RBM20: variants seen among roughly 807,000 people sequenced by gnomAD.
RBM20 encodes the protein RNA binding motif protein 20, also known as RNA-binding protein 20.
RBM20 carries 51 observed loss-of-function variants against 110.1 expected under a neutral mutation model. The observed-to-expected ratio is 0.46, with a 90% CI of 0.37 to 0.59. The LOEUF (loss-of-function observed/expected upper bound fraction) is 0.59, where lower values mean the gene tolerates loss of function less well. Ranked by LOEUF, RBM20 falls within the 20% of genes least tolerant of loss-of-function variation. The pLI, the probability that RBM20 is intolerant of heterozygous loss-of-function variation, is 0.00. For missense variants in RBM20, 1,512 were observed against 1,574.9 expected (o/e 0.96, Z 0.68); for synonymous variants, 589 against 618.2 (o/e 0.95, Z 0.70).
At chr10:110,717,380 G>A (rs541179802) in intron 1 of RBM20, among the ~76,000 whole-genome samples, 3 of 151,888 alleles carry the variant, frequency 2.0e-5, no homozygotes, top group Non-Finnish European at 4.4e-5. Context: ...AATTCCATCT[G>A]TGCAAATCCC....
At chr10:110,768,231 G>GAGGGAGAGGGAGGGAA (rs1207364426) in intron 1 of RBM20, among the ~76,000 whole-genome samples, 1 of 138,702 alleles carries the variant, frequency 7.2e-6, no homozygotes, top group Non-Finnish European at 1.6e-5. Flanking sequence ...AAAGAGGGGA[G>GAGGGAGAGGGAGGGAA]AGGGAGAGGG....
At chr10:110,805,528 A>G (rs1165370979) in intron 7 of RBM20, among the ~76,000 whole-genome samples, 1 of 151,976 alleles carries the variant, frequency 6.6e-6, no homozygotes, top group Non-Finnish European at 1.5e-5. Context: ...TTGGCCAAGC[A>G]CTCTGTGACT....
At chr10:110,752,217 C>G (rs551369945) in intron 1 of RBM20, among the ~76,000 whole-genome samples, 1 of 152,210 alleles carries the variant, frequency 6.6e-6, no homozygotes, top group African/African-American at 2.4e-5. Context: ...TCCCCGCTAA[C>G]CCCTGGCAAT....
At position 110,673,074 on chromosome 10, in the gene RBM20, T is replaced by G. The variant is rs1862285218; in HGVS notation, c.191+28429T>G. Among the ~76,000 whole-genome samples, 3 of 152,228 alleles carry G rather than the reference T, an allele frequency of 2.0e-5. No individual in the cohort carries two copies. In the South Asian group the frequency reaches 6.2e-4, roughly 32 times the overall value. On this transcript the variant is annotated intron_variant, in intron 1 of 13. Coordinates refer to ENST00000369519, the MANE Select transcript of RBM20 (RefSeq NM_001134363.3). ...TGTTTTTTTATTTTCATTAAAAAAT[T>G]CTGCAGTAAACATCTTTCTGGCTAA... is the stretch of plus-strand genomic sequence containing the variant.
rs1171225832 is a variant in RBM20 at position 110,837,626 on chromosome 10, C to T, written c.*1648C>T. The T allele has an allele frequency of 6.6e-6, 1 of 152,162 alleles. No homozygotes were observed. Among genetic ancestry groups the T allele is most frequent in the Non-Finnish European group, 1.5e-5 (1 of 68,056 alleles). 9.4% of individuals were successfully genotyped at this position (152,162 alleles called of 1,614,324 possible). A position where few individuals can be genotyped will look rare whatever the true frequency, so the allele number is the denominator to read the frequency against. ...GAGAGCATACTGTACATTCTGTCCT[C>T]TGTACTAATGGAGGAAGGGCAGAGA... On this transcript the variant is annotated 3_prime_UTR_variant, in exon 14 of 14. Transcript: ENST00000369519.
intron 1 of RBM20, among the ~76,000 whole-genome samples, chr10:110,710,413 G>A (rs915957960): frequency 2.6e-5 from 4 of 152,244 alleles, no homozygotes; most frequent in African/African-American, 9.6e-5. Context: ...TCAACAGCCA[G>A]GAGGTAGGCC....
intron 1 of RBM20, among the ~76,000 whole-genome samples, chr10:110,720,326 C>T (rs1247996679): frequency 6.6e-6 from 1 of 152,202 alleles, no homozygotes; most frequent in Non-Finnish European, 1.5e-5. Context: ...CACCCGGCCA[C>T]CAGCAGGGGA....
At chr10:110,658,486 G>A (rs569025562) in intron 1 of RBM20, among the ~76,000 whole-genome samples, 42 of 152,228 alleles carry the variant, frequency 2.8e-4, no homozygotes, top group African/African-American at 9.4e-4. Flanking sequence ...CGGAGATCCC[G>A]GGCTCAGAGC....
At chr10:110,663,131 AT>A (rs1250397080) in intron 1 of RBM20, among the ~76,000 whole-genome samples, 1 of 151,724 alleles carries the variant, frequency 6.6e-6, no homozygotes, top group Non-Finnish European at 1.5e-5. Context: ...CACCCAGCTA[AT>A]TTTTTTGTAT....
intron 1 of RBM20, among the ~76,000 whole-genome samples, chr10:110,765,050 C>G (rs1672079981): frequency 6.6e-6 from 1 of 152,256 alleles, no homozygotes; most frequent in Non-Finnish European, 1.5e-5. Flanking sequence ...CCTAAAACAG[C>G]TCCTCATGAC....
chr10:110,820,124 G>C lies in RBM20; in HGVS notation c.2603G>C (p.Arg868Thr). ...GAAGAAAGCCCTCAATCAGTGGGCA[G>C]ACAGGAGAAAGAAGCAGAGTTCTCT... ...GMEESPQSVG[R>T]QEKEAEFSDP... Residue 868 changes from arginine to threonine, a missense_variant, in exon 10 of 14, where the codon AGA (arginine) becomes ACA (threonine). Arg to Thr is a moderately conservative substitution (Grantham distance 71). Around this residue, in one of 3 missense-constraint regions of RBM20, gnomAD observed 1,149 missense variants for 1,169.4 expected, o/e 0.98. Transcript: ENST00000369519. The C allele has an allele frequency of 6.4e-7, 1 of 1,551,620 alleles. No homozygotes were observed. The highest frequency in any genetic ancestry group is 1.2e-5 in the South Asian group (1 of 84,038).
rs151118960 is a variant in RBM20, at chr10:110,832,814, G to A, written c.3573+1632G>A. 7.4e-4 allele frequency among the ~76,000 whole-genome samples: 112 copies of A among 152,278 alleles called. 1 individual carries two copies. Among genetic ancestry groups the A allele is most frequent in the African/African-American group, 2.6e-3 (109 of 41,562 alleles). ...TCACTTAAGCCTCTGATTTCCCTCCGGAGAGCAGCTTCTCTGTGACTGAGG... is the reference window on the plus strand; with the variant it reads ...TCACTTAAGCCTCTGATTTCCCTCCAGAGAGCAGCTTCTCTGTGACTGAGG... On this transcript the variant is annotated intron_variant, in intron 13 of 13. Transcript: ENST00000369519.
Position 110,718,923 on chromosome 10 carries a change from ACTT to A in RBM20, c.192-61874_192-61872del. 2.0e-5 allele frequency among the ~76,000 whole-genome samples: 3 copies of A among 152,006 alleles called. No individual in the cohort carries two copies. In the South Asian group the frequency reaches 6.2e-4, roughly 32 times the overall value. ...AAGCCACCATACCCAGCCTAATTCT[ACTT>A]CTTTTTTATTAAAGACTTCACAGAT... On this transcript the variant is annotated intron_variant, in intron 1 of 13. Coordinates refer to ENST00000369519, the MANE Select transcript of RBM20 (RefSeq NM_001134363.3).
In RBM20 at chr10:110,723,946, A is replaced by G. The variant is rs148301829; in HGVS notation, c.192-56855A>G. Among the ~76,000 whole-genome samples the G allele has an allele frequency of 2.9e-3, 436 of 152,292 alleles. 6 individuals carry two copies. Among genetic ancestry groups the G allele is most frequent in the African/African-American group, 9.7e-3 (403 of 41,550 alleles). On this transcript the variant is annotated intron_variant, in intron 1 of 13. Coordinates refer to ENST00000369519, the MANE Select transcript of RBM20 (RefSeq NM_001134363.3). ...AGGCTTATCTTTTCTTCCATGTCTA[A>G]ATAATAATAGTATTCATTTGTTAGT...
intron 1 of RBM20, among the ~76,000 whole-genome samples, chr10:110,694,702 CCA>C (rs10597624): frequency 0.17 from 26,552 of 152,032 alleles, 2,546 homozygotes; most frequent in East Asian, 0.31. Context: ...AATTTCCAAA[CCA>C]CAGCCCTCTT....
intron 1 of RBM20, among the ~76,000 whole-genome samples, chr10:110,647,016 A>T (rs1408220508): frequency 6.6e-6 from 1 of 152,232 alleles, no homozygotes; most frequent in Non-Finnish European, 1.5e-5. Flanking sequence ...TTTCAAAATG[A>T]TGGCGACATC....
chr10:110,715,604 T>G (rs1590632747), intron 1 of RBM20, among the ~76,000 whole-genome samples: 1 of 152,238 alleles, frequency 6.6e-6, no homozygotes, highest in South Asian at 2.1e-4. Flanking sequence ...AACAAAAATT[T>G]TATTTCTCAC....
intron 5 of RBM20, among the ~76,000 whole-genome samples, chr10:110,788,672 A>G (rs1844449339): frequency 6.6e-6 from 1 of 152,248 alleles, no homozygotes; most frequent in African/African-American, 2.4e-5. Context: ...TGACATTTGA[A>G]GACAAGCTGA....
intron 1 of RBM20, among the ~76,000 whole-genome samples, chr10:110,744,284 T>C (rs1398473557): frequency 6.6e-6 from 1 of 152,242 alleles, no homozygotes; most frequent in African/African-American, 2.4e-5. Context: ...TCTGTCACCC[T>C]GATGTGACTC....
Sources: allele counts gnomAD v4.1 joint callset (sites outside exome capture counted in the v4.1 genomes callset), GRCh38; gene constraint gnomAD v4.1.1; regional missense constraint gnomAD v4.1.1; transcripts MANE v1.5; gene names NCBI Gene and HGNC (gene_info 2026-07-23, HGNC 2026-07-21).